The following CD99L2 variants were observed in gnomAD, a reference collection of about 807,000 sequenced individuals.
CD99L2 encodes CD99 molecule like 2.
Under a neutral mutation model 27.3 loss-of-function variants are expected in CD99L2, and 24 were observed. The ratio of observed to expected loss-of-function variants is 0.88; its 90% CI spans 0.64 to 1.24. CD99L2 has a LOEUF of 1.24. CD99L2 is among the 50% of genes most tolerant of loss of function. The pLI is 0.00. For synonymous variants in CD99L2, 97 were observed against 87.9 expected (o/e 1.10, Z -0.58); for missense variants, 255 against 221.6 (o/e 1.15, Z -0.96).
At chrX:150,831,805 A>C (rs2124239821) in intron 1 of CD99L2, among the ~76,000 whole-genome samples, 1 of 112,330 alleles carries the variant, frequency 8.9e-6, no homozygotes, top group African/African-American at 3.2e-5. Flanking sequence ...AAAAGAGACA[A>C]AGAAGGTCAT....
chrX:150,777,836 G>GGGTGC (rs1793186891), intron 7 of CD99L2, among the ~76,000 whole-genome samples: 1 of 112,045 alleles, frequency 8.9e-6, no homozygotes. Context: ...GGGTGGGGTG[G>GGGTGC]GGTGCTGTGC....
intron 1 of CD99L2, among the ~76,000 whole-genome samples, chrX:150,848,081 A>C (rs1557421503): frequency 9.4e-6 from 1 of 106,745 alleles, no homozygotes; most frequent in Non-Finnish European, 1.9e-5. Flanking sequence ...CACTGAATAT[A>C]AGCTCCATAT....
At position 150,795,406 on chromosome X, in the gene CD99L2, C is replaced by T. The variant is rs782634859; in HGVS notation, c.346+12G>A. The stretch of plus-strand genomic sequence containing the variant: ...CCTTGCCTTACTACTCTCCTCAGAG[C>T]GGCCACCTTACCTAAAGTATTTGCT... On this transcript the variant is annotated intron_variant, in intron 5 of 10. Transcript: ENST00000370377. 5 of 1,210,945 alleles carry T rather than the reference C, an allele frequency of 4.1e-6. No homozygotes were observed. The East Asian group carries it at 8.9e-5, about 21-fold the overall frequency.
intron 4 of CD99L2, among the ~76,000 whole-genome samples, chrX:150,814,197 A>AC (rs1173022130): frequency 8.9e-6 from 1 of 112,618 alleles, no homozygotes; most frequent in East Asian, 2.8e-4. Flanking sequence ...AGACAGTCCC[A>AC]CGGAACCAAG....
intron 7 of CD99L2, among the ~76,000 whole-genome samples, chrX:150,784,238 C>A (rs2045560632): frequency 9.1e-6 from 1 of 110,441 alleles, no homozygotes; most frequent in South Asian, 3.9e-4. Flanking sequence ...GAGGGTGATC[C>A]GGGAGTGCTA....
At chrX:150,771,693 T>C (rs1254288981) in intron 9 of CD99L2, 1 of 890,035 alleles carries the variant, frequency 1.1e-6, no homozygotes, top group Non-Finnish European at 1.6e-6. Context: ...CGTCGGTGAG[T>C]GCCAGGGAAG....
intron 4 of CD99L2, among the ~76,000 whole-genome samples, chrX:150,801,466 T>A (rs1337312606): frequency 4.5e-5 from 5 of 111,307 alleles, no homozygotes; most frequent in African/African-American, 1.6e-4. Context: ...CATCAGCTCT[T>A]GTGAGAACTC....
At chrX:150,772,876 G>A (rs2043485657) in intron 9 of CD99L2, among the ~76,000 whole-genome samples, 1 of 111,197 alleles carries the variant, frequency 9.0e-6, no homozygotes, top group South Asian at 3.9e-4. Context: ...GGCGCCATGG[G>A]AGAAGGAAGG....
chrX:150,793,186 C>G (rs115651293), intron 7 of CD99L2, among the ~76,000 whole-genome samples: 1,379 of 112,277 alleles, frequency 0.012, 26 homozygotes, highest in African/African-American at 0.043. Flanking sequence ...TAAGGAGAAG[C>G]TAGGTGAAGT....
chrX:150,898,144 G>A (rs2047647735), intron 1 of CD99L2, among the ~76,000 whole-genome samples: 1 of 102,424 alleles, frequency 9.8e-6, no homozygotes, highest in African/African-American at 3.6e-5. Context: ...AGGTGCTTCT[G>A]CTGTCGGTGG....
chrX:150,891,692 C>T (rs1333729776), intron 1 of CD99L2, among the ~76,000 whole-genome samples: 1 of 111,892 alleles, frequency 8.9e-6, no homozygotes, highest in Non-Finnish European at 1.9e-5. Flanking sequence ...CTTTCTACCA[C>T]AGCCTCCCAC....
At chrX:150,771,288 T>C (rs1029533238) in intron 9 of CD99L2, among the ~76,000 whole-genome samples, 4 of 112,774 alleles carry the variant, frequency 3.5e-5, no homozygotes, top group Non-Finnish European at 7.5e-5. Context: ...CGGTGGCTGC[T>C]GGGCTTGAGG....
In CD99L2 at chrX:150,769,002, C is replaced by G. The variant is rs782533197; in HGVS notation, c.*32G>C. 4 of 1,132,383 alleles carry G rather than the reference C, an allele frequency of 3.5e-6. No homozygotes were observed. In the East Asian group the frequency reaches 1.0e-4, roughly 29 times the overall value. 93.3% of individuals were successfully genotyped at this position (1,132,383 alleles called of 1,213,427 possible). ...GGGAGCCGGGTGACAAGCGGTGGCA[C>G]CATTGTGCATGCCTGCAGCTGGACA... On this transcript the variant is annotated 3_prime_UTR_variant, in exon 11 of 11. Transcript: ENST00000370377.
At chrX:150,843,228 GTTTCTATTC>G (rs782156287) in intron 1 of CD99L2, among the ~76,000 whole-genome samples, 50 of 112,119 alleles carry the variant, frequency 4.5e-4, no homozygotes, top group African/African-American at 1.6e-3. Flanking sequence ...TCTAAGGATG[GTTTCTATTC>G]TACCTTCTTC....
intron 7 of CD99L2, among the ~76,000 whole-genome samples, chrX:150,786,621 T>A (rs782358409): frequency 6.2e-5 from 7 of 112,166 alleles, no homozygotes; most frequent in Non-Finnish European, 1.1e-4. Flanking sequence ...TAGTCCTCTG[T>A]TGATGGGCAC....
intron 3 of CD99L2, 92 bp downstream of exon 3, chrX:150,815,915 G>T: frequency 2.3e-6 from 2 of 879,503 alleles, no homozygotes; most frequent in East Asian, 3.1e-5. Context: ...CACACATGGG[G>T]CTTAAAACTG....
At chrX:150,836,446 G>A (rs1569566042) in intron 1 of CD99L2, among the ~76,000 whole-genome samples, 1 of 108,440 alleles carries the variant, frequency 9.2e-6, no homozygotes, top group Non-Finnish European at 1.9e-5. Context: ...TCCTGCCTCA[G>A]CCCCCCAAGT....
intron 1 of CD99L2, among the ~76,000 whole-genome samples, chrX:150,881,074 C>T (rs1007706869): frequency 4.5e-5 from 5 of 111,412 alleles, no homozygotes; most frequent in Middle Eastern, 4.7e-3. Flanking sequence ...GGAGCTAGAG[C>T]GAGTGAGAGG....
chrX:150,801,183 C>T (rs2045901058), intron 4 of CD99L2, among the ~76,000 whole-genome samples: 1 of 111,726 alleles, frequency 9.0e-6, no homozygotes, highest in Non-Finnish European at 1.9e-5. Context: ...AATACTTCCC[C>T]ACTCATTTTG....
Sources: allele counts gnomAD v4.1 joint callset (sites outside exome capture counted in the v4.1 genomes callset), GRCh38; gene constraint gnomAD v4.1.1; transcripts MANE v1.5; gene names NCBI Gene and HGNC (gene_info 2026-07-23, HGNC 2026-07-21).